DLGAP2: variants seen among roughly 807,000 people sequenced by gnomAD.
DLGAP2 encodes disks large-associated protein 2.
Under a neutral mutation model 100.3 loss-of-function variants are expected in DLGAP2, and 26 were observed. The ratio of observed to expected loss-of-function variants is 0.26; its 90% CI spans 0.19 to 0.36. The LOEUF is 0.36. DLGAP2 is among the 10% of genes least tolerant of loss of function. DLGAP2 has a pLI of 1.00. For synonymous variants in DLGAP2, 886 were observed against 630.1 expected (o/e 1.41, Z -6.08); for missense variants, 1,858 against 1,453.2 (o/e 1.28, Z -4.53).
chr8:773,327 T>C (rs923888075), intron 1 of DLGAP2, among the ~76,000 whole-genome samples: 2 of 51,910 alleles, frequency 3.9e-5, no homozygotes, highest in Admixed American at 3.0e-4. Flanking sequence ...TAATCACTTC[T>C]TTTTTTTTTT....
intron 4 of DLGAP2, among the ~76,000 whole-genome samples, chr8:1,505,653 T>C (rs914989829): frequency 1.1e-4 from 17 of 152,212 alleles, no homozygotes; most frequent in African/African-American, 4.1e-4. Context: ...ATAAAATGAA[T>C]TAATGTAGCA....
chr8:1,415,673 T>A (rs1194983484), intron 3 of DLGAP2, among the ~76,000 whole-genome samples: 1 of 152,210 alleles, frequency 6.6e-6, no homozygotes, highest in African/African-American at 2.4e-5. Context: ...TAGAATTTCG[T>A]GGTGTATAGG....
rs533574708 is a variant in DLGAP2, at chr8:861,070, A to C, written c.19-46842A>C. Among the ~76,000 whole-genome samples, 112 of 152,192 alleles carry C rather than the reference A, an allele frequency of 7.4e-4. 1 individual carries two copies. Among genetic ancestry groups the C allele is most frequent in the Non-Finnish European group, 1.4e-3 (95 of 67,982 alleles). On this transcript the variant is annotated intron_variant, in intron 1 of 14. Coordinates refer to ENST00000637795, the MANE Select transcript of DLGAP2 (RefSeq NM_001346810.2). ...GAACAGCGGGAGCGGAGGGGACATG[A>C]GGAGAGGGAGTGGGGCAGTGAGGTG...
chr8:1,348,905 T>A (rs1801636853), intron 3 of DLGAP2, among the ~76,000 whole-genome samples: 1 of 152,100 alleles, frequency 6.6e-6, no homozygotes, highest in Non-Finnish European at 1.5e-5. Flanking sequence ...TCATCTCAGG[T>A]TTGGATTTTG....
At chr8:1,192,428 A>G (rs1180438183) in intron 2 of DLGAP2, among the ~76,000 whole-genome samples, 1 of 152,172 alleles carries the variant, frequency 6.6e-6, no homozygotes, top group Non-Finnish European at 1.5e-5. Flanking sequence ...AATGAAATCC[A>G]CTGTCAGTGA....
intron 2 of DLGAP2, among the ~76,000 whole-genome samples, chr8:911,132 C>G (rs1031641763): frequency 1.6e-4 from 25 of 152,158 alleles, no homozygotes; most frequent in Admixed American, 7.9e-4. Context: ...AGGTGTTCCT[C>G]CTAGCAACAG....
At chr8:1,245,044 C>T (rs75156938) in intron 2 of DLGAP2, among the ~76,000 whole-genome samples, 2,289 of 152,290 alleles carry the variant, frequency 0.015, 44 homozygotes, top group East Asian at 0.079. Context: ...TACAATGAGA[C>T]ACCATTGCCC....
At chr8:1,174,578 A>T (rs970825261) in intron 2 of DLGAP2, among the ~76,000 whole-genome samples, 1 of 151,934 alleles carries the variant, frequency 6.6e-6, no homozygotes, top group Admixed American at 6.6e-5. Context: ...CACCACCACC[A>T]TTACCATCAT....
intron 2 of DLGAP2, among the ~76,000 whole-genome samples, chr8:1,231,239 G>A (rs1003930512): frequency 1.3e-5 from 2 of 152,128 alleles, no homozygotes; most frequent in Non-Finnish European, 2.9e-5. Flanking sequence ...ACGAAAAAAT[G>A]CTCCATATCT....
intron 1 of DLGAP2, among the ~76,000 whole-genome samples, chr8:806,623 TG>T (rs1333597535): frequency 6.6e-6 from 1 of 152,194 alleles, no homozygotes; most frequent in Non-Finnish European, 1.5e-5. Context: ...CGGCTGCTCC[TG>T]GGGTCCCTGC....
At chr8:1,358,432 G>A (rs1029891800) in intron 3 of DLGAP2, among the ~76,000 whole-genome samples, 1 of 152,146 alleles carries the variant, frequency 6.6e-6, no homozygotes, top group African/African-American at 2.4e-5. Flanking sequence ...TTTTGGTTAA[G>A]GAGGTAGATT....
chr8:1,637,954 G>C (rs1011540424), intron 8 of DLGAP2, among the ~76,000 whole-genome samples: 1 of 152,228 alleles, frequency 6.6e-6, no homozygotes, highest in African/African-American at 2.4e-5. Context: ...GAAACCCAGG[G>C]AGAGGGAGGT....
At chr8:1,661,213 C>T (rs1798401598) in intron 8 of DLGAP2, among the ~76,000 whole-genome samples, 1 of 152,190 alleles carries the variant, frequency 6.6e-6, no homozygotes, top group South Asian at 2.1e-4. Flanking sequence ...TCATTCTCAG[C>T]CTGCTGGGCC....
At chr8:1,208,647 G>T (rs1236422465) in intron 2 of DLGAP2, among the ~76,000 whole-genome samples, 5 of 152,052 alleles carry the variant, frequency 3.3e-5, no homozygotes, top group Non-Finnish European at 5.9e-5. Flanking sequence ...ACAAGAGAAA[G>T]AAATTAAGGG....
intron 2 of DLGAP2, among the ~76,000 whole-genome samples, chr8:1,216,812 A>C (rs1053401292): frequency 3.3e-5 from 5 of 152,206 alleles, no homozygotes; most frequent in African/African-American, 9.6e-5. Context: ...GAACAGTAGT[A>C]ACCTAATCAG....
At chr8:820,022 T>A (rs909619860) in intron 1 of DLGAP2, among the ~76,000 whole-genome samples, 2 of 152,222 alleles carry the variant, frequency 1.3e-5, no homozygotes, top group African/African-American at 4.8e-5. Context: ...CCATGAGAGT[T>A]CTTGTCTACT....
intron 2 of DLGAP2, among the ~76,000 whole-genome samples, chr8:1,224,970 T>C (rs1798385460): frequency 6.6e-6 from 1 of 152,230 alleles, no homozygotes; most frequent in African/African-American, 2.4e-5. Context: ...ATGGACAAAC[T>C]GAAATCCTCA....
chr8:1,284,973 G>A (rs1305230485), intron 3 of DLGAP2, among the ~76,000 whole-genome samples: 4 of 152,200 alleles, frequency 2.6e-5, no homozygotes, highest in Admixed American at 1.3e-4. Flanking sequence ...CTCAAAGCCA[G>A]CAAATGCCAG....
At chr8:1,683,928 GTATATA>G (rs1439092360) in intron 12 of DLGAP2, among the ~76,000 whole-genome samples, 19 of 92,054 alleles carry the variant, frequency 2.1e-4, no homozygotes, top group Non-Finnish European at 2.0e-5. Flanking sequence ...ATATATGTGT[GTATATA>G]TGTGTATATA....
Sources: allele counts gnomAD v4.1 joint callset (sites outside exome capture counted in the v4.1 genomes callset), GRCh38; gene constraint gnomAD v4.1.1; transcripts MANE v1.5; gene names NCBI Gene and HGNC (gene_info 2026-07-23, HGNC 2026-07-21).